The following MACROD2 variants were observed in gnomAD, a reference collection of about 807,000 sequenced individuals.
MACROD2 encodes the protein ADP-ribose glycohydrolase MACROD2.
In MACROD2, 36 loss-of-function variants were observed where a neutral mutation model predicts 70.4. That is an observed-to-expected ratio of 0.51 (90% CI 0.39 to 0.68). The LOEUF (loss-of-function observed/expected upper bound fraction) is 0.68. Ranked by LOEUF, MACROD2 falls within the 30% of genes least tolerant of loss-of-function variation. The probability of loss-of-function intolerance (pLI) is 0.00; values close to 1 mark genes in which losing one functional copy is unlikely to be tolerated. For missense variants in MACROD2, 496 were observed against 538.4 expected, an observed-to-expected ratio of 0.92 and a Z score of 0.78; for synonymous variants, 172 against 178.8, an observed-to-expected ratio of 0.96 and a Z score of 0.30.
chr20:15,792,135 G>A (rs2063629704), intron 8 of MACROD2, among the ~76,000 whole-genome samples: 1 of 152,012 alleles, frequency 6.6e-6, no homozygotes, highest in Non-Finnish European at 1.5e-5. Context: ...AAATCATTGG[G>A]AAAAGAGCTT....
intron 3 of MACROD2, among the ~76,000 whole-genome samples, chr20:14,184,329 G>A (rs1309809827): frequency 6.6e-6 from 1 of 151,722 alleles, no homozygotes; most frequent in Non-Finnish European, 1.5e-5. Flanking sequence ...TGAAGATCAG[G>A]TAACTGTAGG....
intron 5 of MACROD2, chr20:14,893,791 T>G (rs1413358036): frequency 6.6e-6 from 1 of 152,070 alleles, no homozygotes; most frequent in Non-Finnish European, 1.5e-5. Flanking sequence ...TATCTTTTAT[T>G]TATTTATTTT....
chr20:15,662,722 T>A (rs1460586692), intron 8 of MACROD2, among the ~76,000 whole-genome samples: 1 of 152,056 alleles, frequency 6.6e-6, no homozygotes, highest in Non-Finnish European at 1.5e-5. Context: ...AGGGTTTTTT[T>A]TTTTTCTGTC....
chr20:15,598,991 C>T (rs751633186), intron 8 of MACROD2, among the ~76,000 whole-genome samples: 10 of 152,130 alleles, frequency 6.6e-5, no homozygotes, highest in Non-Finnish European at 1.3e-4. Context: ...TTTAAAAATG[C>T]CCAGTGCTGG....
intron 5 of MACROD2, among the ~76,000 whole-genome samples, chr20:15,097,899 AT>A (rs1174683524): frequency 1.4e-4 from 21 of 152,330 alleles, no homozygotes; most frequent in African/African-American, 5.1e-4. Context: ...AATATGAATT[AT>A]GAAATTTATG....
At chr20:14,078,317 G>A (rs2053942722) in intron 2 of MACROD2, among the ~76,000 whole-genome samples, 1 of 152,088 alleles carries the variant, frequency 6.6e-6, no homozygotes, top group South Asian at 2.1e-4. Context: ...CTTAACTATT[G>A]TTTCATAGTT....
At chr20:14,018,192 G>A (rs1211736241) in intron 2 of MACROD2, among the ~76,000 whole-genome samples, 1 of 151,726 alleles carries the variant, frequency 6.6e-6, no homozygotes, top group African/African-American at 2.4e-5. Flanking sequence ...AATCAATACA[G>A]CTAAAGGTTT....
intron 5 of MACROD2, among the ~76,000 whole-genome samples, chr20:15,021,011 T>TGTATATGTATACACATGTGCATATAC (rs2075164262): frequency 6.8e-6 from 1 of 147,686 alleles, no homozygotes; most frequent in Admixed American, 6.7e-5. Flanking sequence ...CATACACATG[T>TGTATATGTATACACATGTGCATATAC]GTATATGTAT....
intron 8 of MACROD2, among the ~76,000 whole-genome samples, chr20:15,598,051 G>A (rs2048769263): frequency 6.6e-6 from 1 of 152,130 alleles, no homozygotes; most frequent in Non-Finnish European, 1.5e-5. Flanking sequence ...CTGCACTCCA[G>A]CCTGGGCGAC....
At chr20:14,592,398 A>T (rs563231669) in intron 4 of MACROD2, among the ~76,000 whole-genome samples, 1 of 152,232 alleles carries the variant, frequency 6.6e-6, no homozygotes, top group East Asian at 1.9e-4. Flanking sequence ...CAAAGAGGAA[A>T]TGCATATTCC....
chr20:15,553,994 A>G (rs954811872), intron 8 of MACROD2, among the ~76,000 whole-genome samples: 15 of 152,198 alleles, frequency 9.9e-5, no homozygotes, highest in African/African-American at 3.4e-4. Context: ...TGCAGACACT[A>G]GGAAGAATGG....
At chr20:14,050,144 C>T (rs1193992337) in intron 2 of MACROD2, among the ~76,000 whole-genome samples, 2 of 151,506 alleles carry the variant, frequency 1.3e-5, no homozygotes, top group African/African-American at 2.4e-5. Context: ...TTCCCTTCCT[C>T]GCTTCCTCAT....
At chr20:15,416,977 A>G (rs2046160997) in intron 6 of MACROD2, among the ~76,000 whole-genome samples, 1 of 152,190 alleles carries the variant, frequency 6.6e-6, no homozygotes, top group Non-Finnish European at 1.5e-5. Context: ...AGTTCACACC[A>G]TGAAATCATG....
chr20:15,677,638 A>G (rs2146849805), intron 8 of MACROD2, among the ~76,000 whole-genome samples: 1 of 152,136 alleles, frequency 6.6e-6, no homozygotes, highest in African/African-American at 2.4e-5. Flanking sequence ...CTTCTATGGC[A>G]CTTCAAACCC....
intron 5 of MACROD2, among the ~76,000 whole-genome samples, chr20:15,098,068 C>T (rs2075846903): frequency 6.6e-6 from 1 of 152,146 alleles, no homozygotes; most frequent in African/African-American, 2.4e-5. Flanking sequence ...CACTGTTCTA[C>T]AGCAGAACCA....
chr20:15,248,742 C>A (rs372877287), intron 6 of MACROD2, among the ~76,000 whole-genome samples: 1 of 152,148 alleles, frequency 6.6e-6, no homozygotes, highest in East Asian at 1.9e-4. Flanking sequence ...GAGTCTTATG[C>A]AGTCAGAAAT....
intron 2 of MACROD2, among the ~76,000 whole-genome samples, chr20:14,033,356 T>A (rs2053268960): frequency 6.6e-6 from 1 of 152,162 alleles, no homozygotes; most frequent in South Asian, 2.1e-4. Flanking sequence ...TTATATATTT[T>A]GATAATTTTG....
At chr20:15,147,117 T>C (rs775642693) in intron 5 of MACROD2, among the ~76,000 whole-genome samples, 70 of 152,054 alleles carry the variant, frequency 4.6e-4, no homozygotes, top group Non-Finnish European at 8.4e-4. Flanking sequence ...TAAATCAGAG[T>C]AGAAAAAAGT....
intron 10 of MACROD2, among the ~76,000 whole-genome samples, chr20:15,901,605 T>C (rs1164196116): frequency 6.6e-6 from 1 of 152,248 alleles, no homozygotes; most frequent in African/African-American, 2.4e-5. Context: ...GTGTATTAAA[T>C]GCATTTTTGC....
Sources: allele counts gnomAD v4.1 joint callset (sites outside exome capture counted in the v4.1 genomes callset), GRCh38; gene constraint gnomAD v4.1.1; transcripts MANE v1.5; gene names NCBI Gene and HGNC (gene_info 2026-07-23, HGNC 2026-07-21).